Variants in WDPCP observed in about 807,000 individuals in gnomAD.
The protein encoded by WDPCP is WD repeat-containing and planar cell polarity effector protein fritz homolog.
WDPCP carries 71 observed loss-of-function variants against 93.1 expected under a neutral mutation model. The ratio of observed to expected loss-of-function variants is 0.76; its 90% CI spans 0.63 to 0.93. The LOEUF (loss-of-function observed/expected upper bound fraction) is 0.93, where lower values mean the gene tolerates loss of function less well. WDPCP is among the 40% of genes least tolerant of loss of function. The pLI is 0.00. For synonymous variants in WDPCP, 315 were observed against 315.0 expected (o/e 1.00, Z 0.00); for missense variants, 844 against 887.4 (o/e 0.95, Z 0.62).
rs537246482 is a variant in WDPCP, at chr2:63,664,419, A to T, written n.309-13581T>A. Among the ~76,000 whole-genome samples, 26 of 152,326 alleles carry T rather than the reference A, an allele frequency of 1.7e-4. No individual in the cohort carries two copies. The South Asian group carries it at 4.8e-3, about 28-fold the overall frequency. On this transcript the variant is annotated intron_variant and non_coding_transcript_variant, in intron 2 of 4. Coordinates refer to the WDPCP transcript ENST00000467687. ...ACACTGCCAATATGTGGGATTGGGC[A>T]CTACCATCAGCTCTGCTGCAACTGC...
At chr2:63,482,314 C>A (rs554916206) in intron 6 of WDPCP, among the ~76,000 whole-genome samples, 1 of 152,056 alleles carries the variant, frequency 6.6e-6, no homozygotes, top group African/African-American at 2.4e-5. Context: ...AGCGTCCAAA[C>A]ATGTTAGCAT....
In WDPCP at chr2:63,235,888, C is replaced by T. The variant is rs144642919; in HGVS notation, c.1915+23419G>A. ...TCTATGACAAACCCACAGCCAACAT[C>T]GTACTGCGTGGGCAAAAACTGGAAG... On this transcript the variant is annotated intron_variant, in intron 14 of 17. Coordinates refer to ENST00000272321, the MANE Select transcript of WDPCP (RefSeq NM_015910.7). Among the ~76,000 whole-genome samples, 293 of 152,266 alleles carry T rather than the reference C, an allele frequency of 1.9e-3. 2 individuals are homozygous for T. The Middle Eastern group carries it at 0.031, about 16-fold the overall frequency.
rs560431364 is a variant in WDPCP, at chr2:63,225,829, A to T, written c.1915+33478T>A. On this transcript the variant is annotated intron_variant, in intron 14 of 17. Coordinates refer to ENST00000272321, the MANE Select transcript of WDPCP (RefSeq NM_015910.7). The stretch of plus-strand genomic sequence containing the variant: ...ACTTATTTCTGGATAAGGATGTGTA[A>T]TTCTCTTCCAAAACCAGGTGAAACT... Among the ~76,000 whole-genome samples, 5 of 152,000 alleles carry T rather than the reference A, an allele frequency of 3.3e-5. No homozygotes were observed. The South Asian group carries it at 8.3e-4, about 25-fold the overall frequency.
At chr2:63,146,026 A>G (rs1287136184) in intron 17 of WDPCP, among the ~76,000 whole-genome samples, 1 of 152,196 alleles carries the variant, frequency 6.6e-6, no homozygotes, top group Non-Finnish European at 1.5e-5. Flanking sequence ...GTTGGTGTAT[A>G]GGAATGCTAG....
At chr2:63,205,923 TC>T (rs1226321699) in intron 14 of WDPCP, among the ~76,000 whole-genome samples, 1 of 152,204 alleles carries the variant, frequency 6.6e-6, no homozygotes, top group Non-Finnish European at 1.5e-5. Context: ...GGAAAGGCTT[TC>T]GTTTTTTTCT....
chr2:63,581,349 A>G (rs1436254250), intron 1 of WDPCP, among the ~76,000 whole-genome samples: 2 of 152,194 alleles, frequency 1.3e-5, no homozygotes, highest in African/African-American at 4.8e-5. Flanking sequence ...AGAGAATTTC[A>G]GAGGGTTCCG....
chr2:63,424,967 A>G (rs1696156676), intron 9 of WDPCP, among the ~76,000 whole-genome samples: 2 of 152,188 alleles, frequency 1.3e-5, no homozygotes, highest in African/African-American at 4.8e-5. Context: ...GCTGAAATAC[A>G]AGAGCCACGT....
intron 13 of WDPCP, among the ~76,000 whole-genome samples, chr2:63,272,239 T>C (rs1682723042): frequency 6.6e-6 from 1 of 152,194 alleles, no homozygotes; most frequent in Middle Eastern, 3.2e-3. Flanking sequence ...ACACCACTAA[T>C]TCTGATGACA....
intron 3 of WDPCP, among the ~76,000 whole-genome samples, chr2:63,608,447 T>C (rs1487514284): frequency 6.6e-6 from 1 of 152,190 alleles, no homozygotes; most frequent in Non-Finnish European, 1.5e-5. Context: ...TCCTCATGCT[T>C]AACACACTGT....
chr2:63,664,370 C>G (rs1710261428), intron 2 of WDPCP, among the ~76,000 whole-genome samples: 1 of 152,210 alleles, frequency 6.6e-6, no homozygotes, highest in African/African-American at 2.4e-5. Context: ...GGACTGGGCT[C>G]TGTCTCTGCA....
chr2:63,722,245 A>C (rs1575757854), intron 2 of WDPCP, among the ~76,000 whole-genome samples: 2 of 145,938 alleles, frequency 1.4e-5, no homozygotes, highest in African/African-American at 2.6e-5. Flanking sequence ...GAAAGTGAGG[A>C]GCGTCTCCGC....
intron 1 of WDPCP, among the ~76,000 whole-genome samples, chr2:63,548,406 A>G (rs998806917): frequency 1.3e-5 from 2 of 152,160 alleles, no homozygotes; most frequent in African/African-American, 4.8e-5. Context: ...TTCAAAATAT[A>G]TAAAACAAAA....
intron 2 of WDPCP, among the ~76,000 whole-genome samples, chr2:63,809,291 G>A (rs1326767846): frequency 6.7e-6 from 1 of 150,102 alleles, no homozygotes; most frequent in Non-Finnish European, 1.5e-5. Flanking sequence ...AGGGAGGTGG[G>A]GGTTCAGCCC....
chr2:63,683,848 CAA>C (rs1168197474), intron 2 of WDPCP, among the ~76,000 whole-genome samples: 14 of 91,656 alleles, frequency 1.5e-4, no homozygotes, highest in Admixed American at 2.4e-4. Flanking sequence ...GACTCCATCT[CAA>C]AAAAAAAAAA....
intron 3 of WDPCP, chr2:63,642,383 A>T (rs1558873570): frequency 6.6e-6 from 1 of 151,382 alleles, no homozygotes; most frequent in African/African-American, 2.4e-5. Flanking sequence ...ATTGCATTGA[A>T]TTTGTAGATT....
chr2:63,785,367 G>A (rs1159201761), intron 2 of WDPCP, among the ~76,000 whole-genome samples: 1 of 152,092 alleles, frequency 6.6e-6, no homozygotes, highest in East Asian at 1.9e-4. Context: ...CTCTGGTGTG[G>A]AGAGCTGAAC....
intron 2 of WDPCP, among the ~76,000 whole-genome samples, chr2:63,788,118 T>C (rs1022909763): frequency 3.9e-5 from 6 of 152,184 alleles, no homozygotes; most frequent in Non-Finnish European, 8.8e-5. Context: ...TTTAATCTTG[T>C]AAAGAACTCA....
intron 2 of WDPCP, among the ~76,000 whole-genome samples, chr2:63,713,045 G>T (rs1200185491): frequency 6.6e-6 from 1 of 152,166 alleles, no homozygotes; most frequent in Non-Finnish European, 1.5e-5. Context: ...TAACAGCTTT[G>T]TAATTTTGAG....
At chr2:63,240,506 A>G (rs1436456457) in intron 14 of WDPCP, among the ~76,000 whole-genome samples, 2 of 152,170 alleles carry the variant, frequency 1.3e-5, no homozygotes, top group Non-Finnish European at 2.9e-5. Context: ...AGTTTGTACC[A>G]TATAACTGCA....
Sources: gnomAD v4.1 joint callset for allele counts (sites outside exome capture counted in the v4.1 genomes callset) on GRCh38, gnomAD v4.1.1 for gene constraint, MANE v1.5 for transcripts, NCBI Gene and HGNC (gene_info 2026-07-23, HGNC 2026-07-21) for gene names.